FBXO42: variants seen among roughly 807,000 people sequenced by gnomAD.
FBXO42 encodes the protein F-box only protein 42.
In FBXO42, 12 loss-of-function variants were observed where a neutral mutation model predicts 71.7. That is an observed-to-expected ratio of 0.17 (90% CI 0.11 to 0.27). FBXO42 has a LOEUF of 0.27. FBXO42 is among the 10% of genes least tolerant of loss of function. The pLI, the probability that FBXO42 is intolerant of heterozygous loss-of-function variation, is 1.00. For missense variants in FBXO42, 707 were observed against 911.9 expected, an observed-to-expected ratio of 0.78 and a Z score of 2.89; for synonymous variants, 325 against 327.5, an observed-to-expected ratio of 0.99 and a Z score of 0.08.
At chr1:16,350,753 A>AGG (rs1553156680) in intron 1 of FBXO42, among the ~76,000 whole-genome samples, 1 of 28,870 alleles carries the variant, frequency 3.5e-5, no homozygotes, top group Non-Finnish European at 6.3e-5. Context: ...CAAAAAAAAA[A>AGG]AAAAAAAGAA....
rs2082709565 is a variant in FBXO42, at chr1:16,352,280, G to A, written c.-43C>T. On this transcript the variant is annotated 5_prime_UTR_variant, in exon 1 of 10. Coordinates refer to ENST00000375592, the MANE Select transcript of FBXO42 (RefSeq NM_018994.3). ...CTGGCCCAGCCCGCTCCACGCTCTC[G>A]GGTTCGCTCCGCTGGCGACGGTAAT... 7 of 396,338 alleles carry A rather than the reference G, an allele frequency of 1.8e-5. No individual in the cohort carries two copies. In the South Asian group the frequency reaches 5.4e-4, roughly 30 times the overall value. The allele number at this position is 396,338 out of a possible 1,614,324, so 24.6% of individuals were successfully genotyped here.
At chr1:16,253,221 G>C in intron 7 of FBXO42, 69 bp from the exon 8 acceptor site, 1 of 1,410,110 alleles carries the variant, frequency 7.1e-7, no homozygotes, top group South Asian at 1.2e-5. Flanking sequence ...TGCTTCACTG[G>C]TATATGAGAA....
At position 16,282,908 on chromosome 1, in the gene FBXO42, G is replaced by C. The variant is rs1397621929; in HGVS notation, c.502+11875C>G. Among the ~76,000 whole-genome samples the C allele has an allele frequency of 4.0e-5, 6 of 151,882 alleles. No homozygotes were observed. In the Middle Eastern group the frequency reaches 0.01, roughly 258 times the overall value. On this transcript the variant is annotated intron_variant, in intron 4 of 9. Transcript: ENST00000375592. Reference sequence around the variant, plus strand: ...AGGCAGGAGAACTGCTTGAACCCAGGAGGCAGAGGATGCAGTGAGCTGAGA... The same window carrying C: ...AGGCAGGAGAACTGCTTGAACCCAGCAGGCAGAGGATGCAGTGAGCTGAGA...
At chr1:16,319,229 A>G (rs1276760509) in intron 1 of FBXO42, among the ~76,000 whole-genome samples, 1 of 152,210 alleles carries the variant, frequency 6.6e-6, no homozygotes, top group African/African-American at 2.4e-5. Flanking sequence ...ATGTTCCAAA[A>G]AGTGACAGAC....
At chr1:16,302,586 T>G (rs2082206289) in intron 3 of FBXO42, among the ~76,000 whole-genome samples, 2 of 152,188 alleles carry the variant, frequency 1.3e-5, no homozygotes, top group African/African-American at 2.4e-5. Flanking sequence ...CTCAGCTCAC[T>G]GCAACCTGCA....
At chr1:16,331,766 T>C (rs1296229526) in intron 1 of FBXO42, among the ~76,000 whole-genome samples, 2 of 138,808 alleles carry the variant, frequency 1.4e-5, no homozygotes, top group Non-Finnish European at 3.1e-5. Context: ...AATAAATAAA[T>C]GCAGCCAGGC....
At chr1:16,264,276 G>C (rs1030289325) in intron 4 of FBXO42, among the ~76,000 whole-genome samples, 1 of 152,178 alleles carries the variant, frequency 6.6e-6, no homozygotes, top group African/African-American at 2.4e-5. Flanking sequence ...TAGCACCTGA[G>C]TAACTGGAAA....
Position 16,251,250 on chromosome 1 carries a change from C to T in FBXO42, c.1574G>A (p.Gly525Glu). Reference protein sequence around the residue: ...MDGMDNRTVGGSMRHPPEQTN... With the variant: ...MDGMDNRTVGESMRHPPEQTN... ...CTGTTCAGGAGGGTGTCTCATACTT[C>T]CCCCAACTGTCCTATTGTCCATGCC... Residue 525 changes from glycine to glutamate, a missense_variant, in exon 10 of 10, where the codon GGA (glycine) becomes GAA (glutamate). Around this residue, in one of 5 missense-constraint regions of FBXO42, gnomAD observed 482 missense variants for 587.1 expected, o/e 0.82. Transcript: ENST00000375592. This position sits in a 1 kb window ranked among gnomAD's most constrained non-coding sequence, Gnocchi z 4.5. 4 of 1,614,190 alleles carry T rather than the reference C, an allele frequency of 2.5e-6. No individual in the cohort carries two copies. Among genetic ancestry groups the T allele is most frequent in the Non-Finnish European group, 3.4e-6 (4 of 1,180,028 alleles).
intron 1 of FBXO42, among the ~76,000 whole-genome samples, chr1:16,345,514 C>T (rs1302650388): frequency 1.3e-5 from 2 of 151,808 alleles, no homozygotes; most frequent in Non-Finnish European, 2.9e-5. Flanking sequence ...CAATGAGCAT[C>T]CCTAGCACAC....
chr1:16,316,730 CAA>C (rs71003274), intron 1 of FBXO42, among the ~76,000 whole-genome samples: 1,971 of 51,488 alleles, frequency 0.038, 17 homozygotes, highest in African/African-American at 0.12. Flanking sequence ...GAAAGACTCT[CAA>C]AAAAAAAAAA....
intron 4 of FBXO42, among the ~76,000 whole-genome samples, chr1:16,260,748 T>C (rs2081702681): frequency 6.6e-6 from 1 of 152,086 alleles, no homozygotes; most frequent in Non-Finnish European, 1.5e-5. Flanking sequence ...CAGGCTGGAG[T>C]GCAGTGGTGT....
intron 4 of FBXO42, among the ~76,000 whole-genome samples, chr1:16,291,864 G>A (rs2082082962): frequency 6.6e-6 from 1 of 152,108 alleles, no homozygotes; most frequent in Non-Finnish European, 1.5e-5. Context: ...TAGAGACAGG[G>A]TCTCACTATG....
intron 1 of FBXO42, among the ~76,000 whole-genome samples, chr1:16,340,428 C>A (rs1043249355): frequency 3.3e-5 from 5 of 152,008 alleles, no homozygotes; most frequent in Admixed American, 6.6e-5. Flanking sequence ...TCATGCAATT[C>A]TCCTGCCTCA....
chr1:16,263,326 T>C (rs1455012405), intron 4 of FBXO42, among the ~76,000 whole-genome samples: 2 of 151,934 alleles, frequency 1.3e-5, no homozygotes, highest in Non-Finnish European at 2.9e-5. Flanking sequence ...AGGTGCCTTG[T>C]AGTCCCAGCT....
intron 3 of FBXO42, among the ~76,000 whole-genome samples, chr1:16,296,868 TAATCACCTCTGTGATAC>T (rs1243909085): frequency 6.6e-6 from 1 of 151,702 alleles, no homozygotes; most frequent in Non-Finnish European, 1.5e-5. Flanking sequence ...GCCACTACTA[TAATCACCTCTGTGATAC>T]ACACTATACT....
At chr1:16,311,177 C>CAA (rs772613523) in intron 2 of FBXO42, among the ~76,000 whole-genome samples, 1 of 119,812 alleles carries the variant, frequency 8.3e-6, no homozygotes. Context: ...GACTCCGTCT[C>CAA]AAAAAAAAAA....
chr1:16,311,614 A>G (rs2082314559), intron 2 of FBXO42, among the ~76,000 whole-genome samples: 1 of 151,560 alleles, frequency 6.6e-6, no homozygotes. Flanking sequence ...ACATAAGCGC[A>G]TGAAAATACG....
chr1:16,299,131 C>A (rs1328682486), intron 3 of FBXO42, among the ~76,000 whole-genome samples: 5 of 152,232 alleles, frequency 3.3e-5, no homozygotes, highest in Admixed American at 2.6e-4. Flanking sequence ...TCCTCCTCAG[C>A]CTCCCGAGTA....
rs79469949 is a variant in FBXO42, at chr1:16,341,247, A to T, written c.-18+11008T>A. Among the ~76,000 whole-genome samples the T allele has an allele frequency of 1.7e-3, 253 of 152,330 alleles. 1 individual carries two copies. In the East Asian group the frequency reaches 0.04, roughly 24 times the overall value. On this transcript the variant is annotated intron_variant, in intron 1 of 9. Transcript: ENST00000375592. ...AAACCAAAACCAAATAAATATTAGA[A>T]TGGTTCAAGCACCAACCATGAGACA...
Sources: allele counts gnomAD v4.1 joint callset (sites outside exome capture counted in the v4.1 genomes callset), GRCh38; gene constraint gnomAD v4.1.1; regional missense constraint gnomAD v4.1.1; non-coding constraint Gnocchi (gnomAD v3.1); transcripts MANE v1.5; gene names NCBI Gene and HGNC (gene_info 2026-07-23, HGNC 2026-07-21).